Variants in ADIPOR1 observed in about 807,000 individuals in gnomAD.
The protein encoded by ADIPOR1 is adiponectin receptor 1, also known as adiponectin receptor protein 1.
ADIPOR1 carries 15 observed loss-of-function variants against 37.5 expected under a neutral mutation model. The ratio of observed to expected loss-of-function variants is 0.40; its 90% confidence interval spans 0.27 to 0.62. The LOEUF is 0.62. Among genes scored for constraint, ADIPOR1 ranks in the 20% least tolerant of loss-of-function variants. ADIPOR1 has a pLI of 0.42. For missense variants in ADIPOR1, 286 were observed against 478.0 expected, an observed-to-expected ratio of 0.60 and a Z score of 3.75; for synonymous variants, 173 against 173.2, an observed-to-expected ratio of 1.00 and a Z score of 0.01.
chr1:202,946,391 C>T, intron 4 of ADIPOR1, 48 bp downstream of exon 4: 2 of 1,606,862 alleles, frequency 1.2e-6, no homozygotes. Flanking sequence ...AATCCCTTCG[C>T]AGTTAGGGAG....
intron 4 of ADIPOR1, among the ~76,000 whole-genome samples, chr1:202,945,865 G>A (rs1013299302): frequency 7.9e-5 from 12 of 152,132 alleles, no homozygotes; most frequent in Admixed American, 4.6e-4. Context: ...ACTTAGAAGC[G>A]GGAGGGGGAG....
Position 202,946,523 on chromosome 1 carries a change from G to A in ADIPOR1, c.346C>T (p.Pro116Ser), listed in dbSNP as rs781585434. 1.2e-6 allele frequency: 2 copies of A among 1,614,078 alleles called. No individual in the cohort carries two copies. Among genetic ancestry groups the A allele is most frequent in the Non-Finnish European group, 1.7e-6 (2 of 1,180,018 alleles). The change falls in exon 4 of 8, where the codon CCT (proline) becomes TCT (serine). Residue 116 changes from proline (P) to serine (S), a missense_variant. Coordinates refer to ENST00000340990, the MANE Select transcript of ADIPOR1 (RefSeq NM_015999.6). Reference sequence around the variant, plus strand: ...CAAGCCCGAAAGGAGGGCATGGGAGGTCTATGACCATGTAGCAGATAGTCG... The same window carrying A: ...CAAGCCCGAAAGGAGGGCATGGGAGATCTATGACCATGTAGCAGATAGTCG... Reference protein sequence around the residue: ...DNDYLLHGHRPPMPSFRACFK... With the variant: ...DNDYLLHGHRSPMPSFRACFK...
chr1:202,954,340 T>C (rs541228236), intron 1 of ADIPOR1: 2 of 152,254 alleles, frequency 1.3e-5, no homozygotes, highest in Admixed American at 6.5e-5. Context: ...AAGGGAGAGA[T>C]AGGGATCGGA....
intron 4 of ADIPOR1, among the ~76,000 whole-genome samples, chr1:202,946,125 C>T (rs1329685777): frequency 6.6e-6 from 1 of 152,006 alleles, no homozygotes; most frequent in Admixed American, 6.6e-5. Flanking sequence ...CAAAAAAGAC[C>T]ATTTTTTGAA....
chr1:202,948,554 T>G (rs1299812295), intron 2 of ADIPOR1, 134 bp from the exon 3 acceptor site: 1 of 696,910 alleles, frequency 1.4e-6, no homozygotes, highest in Admixed American at 2.3e-5. Context: ...TCTTGTGGTC[T>G]CTTCTCCAAA....
chr1:202,948,918 G>C (rs151028174), intron 2 of ADIPOR1, among the ~76,000 whole-genome samples: 1 of 151,714 alleles, frequency 6.6e-6, no homozygotes, highest in African/African-American at 2.4e-5. Flanking sequence ...CGGCCTCCAA[G>C]TAGCTGGGAT....
At position 202,947,522 on chromosome 1, in the gene ADIPOR1, A is replaced by AAT. The variant is rs557101134; in HGVS notation, c.258+780_258+781dup. 7.6e-3 allele frequency among the ~76,000 whole-genome samples: 1,150 copies of AAT among 150,760 alleles called. 9 individuals carry two copies. The highest frequency in any genetic ancestry group is 0.018 in the African/African-American group (727 of 41,214). ...CAAGAGCAAAACTCTGTCTCAAAAA[A>AAT]ATATATATATATATATGGTACAACC... On this transcript the variant is annotated intron_variant, in intron 3 of 7. Transcript: ENST00000340990.
rs761458096 is a variant in ADIPOR1 at position 202,945,138 on chromosome 1, C to T, written c.462G>A (p.Leu154=). 8.7e-6 allele frequency: 14 copies of T among 1,609,882 alleles called. No individual in the cohort carries two copies. Residue 154 remains leucine (L), a synonymous_variant, in exon 5 of 8, where the codon TTG becomes TTA. Coordinates refer to ENST00000340990, the MANE Select transcript of ADIPOR1 (RefSeq NM_015999.6). ...GFVLFLFLGI[L]TMLRPNMYFM... ...AGTACATATTTGGTCTGAGCATGGT[C>T]AAGATTCCCAAAAAGAGAAACAGCA...
chr1:202,943,972 A>G (rs1329375626), intron 5 of ADIPOR1, 27 bp from the exon 6 acceptor site: 11 of 1,584,102 alleles, frequency 6.9e-6, no homozygotes, highest in Non-Finnish European at 9.5e-6. Context: ...AAATGAAACA[A>G]ATCAGTGGGG....
chr1:202,952,789 A>G (rs1654630538), intron 1 of ADIPOR1, among the ~76,000 whole-genome samples: 1 of 152,190 alleles, frequency 6.6e-6, no homozygotes, highest in Non-Finnish European at 1.5e-5. Flanking sequence ...AATAAATCCC[A>G]TCTCTATCCA....
At chr1:202,946,139 T>C (rs1337085145) in intron 4 of ADIPOR1, among the ~76,000 whole-genome samples, 3 of 152,158 alleles carry the variant, frequency 2.0e-5, no homozygotes, top group African/African-American at 7.2e-5. Context: ...TTTTGAAATG[T>C]TGGCATTTTA....
intron 2 of ADIPOR1, among the ~76,000 whole-genome samples, chr1:202,949,579 CAAAAAAAA>C (rs57643319): frequency 1.0e-5 from 1 of 99,144 alleles, no homozygotes; most frequent in East Asian, 3.6e-4. Context: ...ACTCTGTCTC[CAAAAAAAA>C]AAAAAAAAAA....
At chr1:202,946,640 G>A in intron 3 of ADIPOR1, 30 bp from the exon 4 acceptor site, 1 of 1,611,138 alleles carries the variant, frequency 6.2e-7, no homozygotes, top group African/African-American at 1.3e-5. Context: ...TCTGGGTAGG[G>A]CACTAGATAG....
chr1:202,946,414 A>G, intron 4 of ADIPOR1, 25 bp downstream of exon 4: 1 of 1,613,248 alleles, frequency 6.2e-7, no homozygotes, highest in South Asian at 1.1e-5. Context: ...AACAAATTCC[A>G]CCTTTCCCCA....
chr1:202,948,280 A>G lies in ADIPOR1; in HGVS notation c.258+24T>C, dbSNP rs202087347. 306 of 1,561,194 alleles carry G rather than the reference A, an allele frequency of 2.0e-4. 4 individuals are homozygous for G. In the East Asian group the frequency reaches 2.7e-3, roughly 14 times the overall value. On this transcript the variant is annotated intron_variant, in intron 3 of 7. Transcript: ENST00000340990. ...ACAGGCCTGCTGCCCTTCCCCTTCC[A>G]GGACAGAAGCTCATAGGCCATACCT...
In ADIPOR1 at chr1:202,958,123, C is replaced by G. The variant is rs1321860486; in HGVS notation, c.-95+62G>C. 5 of 152,380 alleles carry G rather than the reference C, an allele frequency of 3.3e-5. No homozygotes were observed. In the East Asian group the frequency reaches 5.8e-4, roughly 18 times the overall value. 9.4% of individuals were successfully genotyped at this position (152,380 alleles called of 1,614,324 possible). On this transcript the variant is annotated intron_variant, in intron 1 of 7. Coordinates refer to ENST00000340990, the MANE Select transcript of ADIPOR1 (RefSeq NM_015999.6). The stretch of plus-strand genomic sequence containing the variant: ...TCTCCTCCGCAGGCCTGGGTCGGGG[C>G]CCCCGGGGTCCCCGCGCTCCCGCCG...
chr1:202,944,808 A>C (rs962244652), intron 5 of ADIPOR1, 175 bp downstream of exon 5: 38 of 549,422 alleles, frequency 6.9e-5, no homozygotes, highest in African/African-American at 6.9e-4. Flanking sequence ...CTGTTCATGA[A>C]GTGTTTAAGA....
At chr1:202,943,731 G>C (rs376579283) in intron 6 of ADIPOR1, 27 bp downstream of exon 6, 59 of 1,609,434 alleles carry the variant, frequency 3.7e-5, no homozygotes, top group Non-Finnish European at 4.8e-5. Context: ...AAATACCTCT[G>C]AGGTGTACGT....
Position 202,951,005 on chromosome 1 carries a change from A to G in ADIPOR1, c.66T>C (p.Ala22=), listed in dbSNP as rs1287399724. The stretch of plus-strand genomic sequence containing the variant: ...CCAGTTCAGCCAGTTCCACCGTGTC[A>G]GCTTCCCTGTTACTGGCAGGAGCCC... The part of the protein sequence containing the change: ...GNGAPASNRE[A]DTVELAELGP... Residue 22 remains alanine (A), a synonymous_variant, in exon 2 of 8, where the codon GCT becomes GCC. Coordinates refer to ENST00000340990, the MANE Select transcript of ADIPOR1 (RefSeq NM_015999.6). 1.2e-6 allele frequency: 2 copies of G among 1,614,156 alleles called. No homozygotes were observed. Among genetic ancestry groups the G allele is most frequent in the Admixed American group, 1.7e-5 (1 of 60,020 alleles).
Sources: allele counts gnomAD v4.1 joint callset (sites outside exome capture counted in the v4.1 genomes callset), GRCh38; gene constraint gnomAD v4.1.1; transcripts MANE v1.5; gene names NCBI Gene and HGNC (gene_info 2026-07-23, HGNC 2026-07-21).